Variants in PAK1 observed in about 807,000 individuals in gnomAD.
The protein encoded by PAK1 is serine/threonine-protein kinase PAK 1.
In PAK1, 29 loss-of-function variants were observed where a neutral mutation model predicts 67.4. That is an observed-to-expected ratio of 0.43 (90% confidence interval 0.32 to 0.59). The LOEUF is 0.59. PAK1 is among the 20% of genes least tolerant of loss of function. The pLI, the probability that PAK1 is intolerant of heterozygous loss-of-function variation, is 0.07. For missense variants in PAK1, 337 were observed against 670.7 expected (o/e 0.50, Z 5.50); for synonymous variants, 223 against 237.4 (o/e 0.94, Z 0.56).
chr11:77,336,348 C>T, intron 12 of PAK1, 66 bp from the exon 13 acceptor site: 2 of 1,239,986 alleles, frequency 1.6e-6, no homozygotes, highest in Non-Finnish European at 2.3e-6. Context: ...TAAGTGTTGA[C>T]TGTGTACCTA....
the PAK1 span, among the ~76,000 whole-genome samples, chr11:77,486,695 GA>G: frequency 1.3e-5 from 2 of 152,162 alleles, no homozygotes. Flanking sequence ...GTCACAGTGG[GA>G]AGCAACACCA....
the PAK1 span, among the ~76,000 whole-genome samples, chr11:77,519,308 T>C: frequency 6.6e-6 from 1 of 152,268 alleles, no homozygotes; most frequent in Non-Finnish European, 1.5e-5. Flanking sequence ...ACTAGTTCAA[T>C]AGTTCTATAA....
chr11:77,420,613 CTA>C (rs1468035019), intron 1 of PAK1, among the ~76,000 whole-genome samples: 1 of 151,496 alleles, frequency 6.6e-6, no homozygotes, highest in East Asian at 1.9e-4. Flanking sequence ...ATTGTATCAA[CTA>C]TACCTTCAAA....
At chr11:77,328,299 C>G (rs1431037580) in intron 14 of PAK1, among the ~76,000 whole-genome samples, 1 of 152,184 alleles carries the variant, frequency 6.6e-6, no homozygotes, top group Non-Finnish European at 1.5e-5. Context: ...TAGACATCTA[C>G]AGAACTCTCC....
At chr11:77,520,449 G>A in the PAK1 span, among the ~76,000 whole-genome samples, 2 of 152,270 alleles carry the variant, frequency 1.3e-5, no homozygotes, top group Admixed American at 6.5e-5. Flanking sequence ...GTGGGGGTAA[G>A]GAAAGCTCAA....
chr11:77,355,446 T>A (rs1428731653), intron 7 of PAK1, among the ~76,000 whole-genome samples: 2 of 152,110 alleles, frequency 1.3e-5, no homozygotes, highest in African/African-American at 4.8e-5. Flanking sequence ...GCCCTCAAAG[T>A]AAGCTATCCA....
intron 5 of PAK1, among the ~76,000 whole-genome samples, chr11:77,370,047 T>G (rs1469796793): frequency 6.6e-6 from 1 of 152,212 alleles, no homozygotes; most frequent in East Asian, 1.9e-4. Flanking sequence ...CTGAAACTTA[T>G]GTAAGTCTGT....
At chr11:77,472,744 A>C (rs537113445) in intron 1 of PAK1, among the ~76,000 whole-genome samples, 4 of 152,318 alleles carry the variant, frequency 2.6e-5, no homozygotes, top group African/African-American at 9.6e-5. Flanking sequence ...AATGAATCTG[A>C]ATTTTTATTA....
intron 5 of PAK1, among the ~76,000 whole-genome samples, chr11:77,369,001 A>G (rs1020207659): frequency 4.6e-5 from 7 of 152,190 alleles, no homozygotes; most frequent in African/African-American, 1.7e-4. Flanking sequence ...ATACCTTTAT[A>G]TTGACACCTT....
At chr11:77,387,497 TC>T (rs1233249534) in intron 2 of PAK1, among the ~76,000 whole-genome samples, 1 of 152,226 alleles carries the variant, frequency 6.6e-6, no homozygotes, top group Non-Finnish European at 1.5e-5. Context: ...TACTCAGCTC[TC>T]CCACTTTCCA....
rs2136638977 is a variant in PAK1 at position 77,361,052 on chromosome 11, C to T, written c.478-2035G>A. On this transcript the variant is annotated intron_variant, in intron 5 of 14. Coordinates refer to ENST00000356341, the MANE Select transcript of PAK1 (RefSeq NM_002576.5). ...ATCCATCCATTCACTGTGTGCCAGACTCCATTCTAGGCTCTGGGGCTACAT... is the reference window on the plus strand; with the variant it reads ...ATCCATCCATTCACTGTGTGCCAGATTCCATTCTAGGCTCTGGGGCTACAT... 1.3e-5 allele frequency among the ~76,000 whole-genome samples: 2 copies of T among 152,278 alleles called. 1 individual carries two copies. The highest frequency in any genetic ancestry group is 4.1e-4 in the South Asian group (2 of 4,828).
At chr11:77,510,673 G>T in the PAK1 span, among the ~76,000 whole-genome samples, 6 of 152,212 alleles carry the variant, frequency 3.9e-5, no homozygotes, top group East Asian at 1.9e-4. Flanking sequence ...TAATTTGGAA[G>T]TTTCTTTGTG....
chr11:77,358,831 A>T, intron 6 of PAK1, 67 bp downstream of exon 6: 1 of 1,544,030 alleles, frequency 6.5e-7, no homozygotes, highest in Admixed American at 1.7e-5. Context: ...AGGTATCAGC[A>T]CCAACTCCTC....
chr11:77,384,819 A>G (rs1314333373), intron 2 of PAK1, among the ~76,000 whole-genome samples: 1 of 152,216 alleles, frequency 6.6e-6, no homozygotes, highest in Non-Finnish European at 1.5e-5. Context: ...ATTAGTTGTA[A>G]TGGTTGTACA....
Position 77,421,856 on chromosome 11 carries a change from T to C in PAK1, c.-21-29315A>G. Among the ~76,000 whole-genome samples, 2 of 152,144 alleles carry C rather than the reference T, an allele frequency of 1.3e-5. 1 individual carries two copies. The highest frequency in any genetic ancestry group is 3.9e-4 in the East Asian group (2 of 5,192). ...AAGAACATTATAATAATCAGAGGTA[T>C]CTAATAATGAAATGCACAATCTCTG... On this transcript the variant is annotated intron_variant, in intron 1 of 14. Coordinates refer to ENST00000356341, the MANE Select transcript of PAK1 (RefSeq NM_002576.5).
intron 1 of PAK1, chr11:77,397,157 T>C (rs1951939155): frequency 6.6e-6 from 1 of 152,222 alleles, no homozygotes. Flanking sequence ...ATTCTATCCA[T>C]CCTGGACAAC....
At chr11:77,364,155 G>A (rs371716912) in intron 5 of PAK1, among the ~76,000 whole-genome samples, 10 of 152,298 alleles carry the variant, frequency 6.6e-5, no homozygotes, top group East Asian at 1.9e-4. Flanking sequence ...CACAGCAGAC[G>A]CTAGAAAAGC....
intron 1 of PAK1, among the ~76,000 whole-genome samples, chr11:77,449,691 T>TTAA (rs778037900): frequency 2.5e-4 from 29 of 113,946 alleles, no homozygotes; most frequent in Middle Eastern, 9.0e-3. Flanking sequence ...ATCCTATAGG[T>TTAA]AAAAAAAAAA....
At chr11:77,512,364 G>A in the PAK1 span, among the ~76,000 whole-genome samples, 1 of 144,766 alleles carries the variant, frequency 6.9e-6, no homozygotes, top group Admixed American at 6.9e-5. Context: ...CCAGTATGTG[G>A]TCATTTGTGT....
Sources: allele counts gnomAD v4.1 joint callset (sites outside exome capture counted in the v4.1 genomes callset), GRCh38; gene constraint gnomAD v4.1.1; transcripts MANE v1.5; gene names NCBI Gene and HGNC (gene_info 2026-07-23, HGNC 2026-07-21).